The following SGCD variants were observed in gnomAD, a reference collection of about 807,000 sequenced individuals.
SGCD encodes delta-sarcoglycan.
SGCD carries 18 observed loss-of-function variants against 36.6 expected under a neutral mutation model. The ratio of observed to expected loss-of-function variants is 0.49; its 90% confidence interval spans 0.34 to 0.73. The LOEUF is 0.73. Ranked by LOEUF, SGCD falls within the 30% of genes least tolerant of loss-of-function variation. The pLI is 0.01. For missense variants in SGCD, 387 were observed against 346.7 expected, an observed-to-expected ratio of 1.12 and a Z score of -0.92; for synonymous variants, 133 against 130.6, an observed-to-expected ratio of 1.02 and a Z score of -0.12.
chr5:155,879,323 G>A (rs1755831596), intron 1 of SGCD, among the ~76,000 whole-genome samples: 1 of 152,136 alleles, frequency 6.6e-6, no homozygotes, highest in African/African-American at 2.4e-5. Flanking sequence ...ACGCTAGAGT[G>A]ATTTCACTTT....
chr5:156,114,849 A>AT (rs1404318210), intron 1 of SGCD, among the ~76,000 whole-genome samples: 3 of 151,950 alleles, frequency 2.0e-5, no homozygotes, highest in East Asian at 3.8e-4. Flanking sequence ...TCTTACACAT[A>AT]TTTTTTGCGT....
At chr5:155,936,782 G>T (rs770906500) in intron 1 of SGCD, among the ~76,000 whole-genome samples, 1 of 152,152 alleles carries the variant, frequency 6.6e-6, no homozygotes, top group African/African-American at 2.4e-5. Flanking sequence ...CCACTGTTCC[G>T]TACAGCCCAG....
At chr5:156,604,430 T>C (rs1346188418) in intron 6 of SGCD, among the ~76,000 whole-genome samples, 1 of 151,986 alleles carries the variant, frequency 6.6e-6, no homozygotes, top group African/African-American at 2.4e-5. Context: ...TCCTCTTTTT[T>C]ACCTCTGTGG....
chr5:155,744,418 C>T, the SGCD span, among the ~76,000 whole-genome samples: 1 of 151,984 alleles, frequency 6.6e-6, no homozygotes, highest in South Asian at 2.1e-4. Flanking sequence ...TGAGATCATG[C>T]CACTGCACTC....
At chr5:155,936,296 G>A (rs1757198431) in intron 1 of SGCD, among the ~76,000 whole-genome samples, 1 of 152,226 alleles carries the variant, frequency 6.6e-6, no homozygotes, top group Admixed American at 6.5e-5. Context: ...ATGTGGACAA[G>A]TGGAGGGTGA....
At chr5:155,741,981 G>A in the SGCD span, among the ~76,000 whole-genome samples, 1 of 152,092 alleles carries the variant, frequency 6.6e-6, no homozygotes, top group African/African-American at 2.4e-5. Context: ...CACTGTGCCT[G>A]GCCACCAGAA....
intron 1 of SGCD, among the ~76,000 whole-genome samples, chr5:156,057,497 G>T (rs1561699946): frequency 6.8e-6 from 1 of 146,580 alleles, no homozygotes; most frequent in Non-Finnish European, 1.5e-5. Context: ...GAATGAGGAT[G>T]ACTTTATTTG....
At chr5:155,956,945 A>T (rs1193901642) in intron 1 of SGCD, among the ~76,000 whole-genome samples, 1 of 152,040 alleles carries the variant, frequency 6.6e-6, no homozygotes, top group Non-Finnish European at 1.5e-5. Flanking sequence ...AATTCAACCC[A>T]CTTCACTTAC....
rs70984404 is a variant in SGCD at position 156,333,783 on chromosome 5, A to ATTTTTTTTTTTTTTTTTTT, written c.3+4223_3+4241dup. ...GTGCTTTCTTTATGTTAGAAAAGTG[A>ATTTTTTTTTTTTTTTTTTT]TTTTTTTTTTTTTTTTTTTTTTTTT... On this transcript the variant is annotated intron_variant, in intron 2 of 8. Transcript: ENST00000337851. Among the ~76,000 whole-genome samples, 38 of 19,966 alleles carry ATTTTTTTTTTTTTTTTTTT rather than the reference A, an allele frequency of 1.9e-3. 14 individuals carry two copies. Among genetic ancestry groups the ATTTTTTTTTTTTTTTTTTT allele is most frequent in the Non-Finnish European group, 2.6e-3 (27 of 10,476 alleles). The allele number at this position is 19,966 out of a possible 152,430, so 13.1% of individuals were successfully genotyped here. A position where few individuals can be genotyped will look rare whatever the true frequency, so the allele number is the denominator to read the frequency against.
intron 4 of SGCD, among the ~76,000 whole-genome samples, chr5:156,562,862 C>G (rs144801846): frequency 1.1e-3 from 168 of 151,158 alleles, no homozygotes; most frequent in Non-Finnish European, 2.0e-3. Flanking sequence ...TTAAATATAA[C>G]TTAAATTATA....
At chr5:156,441,064 A>G (rs940202071) in intron 3 of SGCD, among the ~76,000 whole-genome samples, 1 of 152,114 alleles carries the variant, frequency 6.6e-6, no homozygotes. Context: ...TAGATCCTTA[A>G]CCTACAGGAT....
chr5:156,709,488 C>G (rs1754889188), intron 7 of SGCD, among the ~76,000 whole-genome samples: 1 of 152,040 alleles, frequency 6.6e-6, no homozygotes, highest in Admixed American at 6.5e-5. Context: ...GGGAGAAAAT[C>G]TGGGAAGAAA....
chr5:156,625,763 C>T (rs67752889), intron 6 of SGCD, among the ~76,000 whole-genome samples: 5,385 of 152,250 alleles, frequency 0.035, 159 homozygotes, highest in Non-Finnish European at 0.053. Flanking sequence ...TAGAGTATAA[C>T]AAGAATAGGA....
At chr5:155,992,809 G>A (rs944778480) in intron 1 of SGCD, among the ~76,000 whole-genome samples, 2 of 152,148 alleles carry the variant, frequency 1.3e-5, no homozygotes, top group Non-Finnish European at 2.9e-5. Flanking sequence ...GGAATCATCT[G>A]TGCATTAATT....
At chr5:156,368,835 C>T (rs1770242374) in intron 3 of SGCD, among the ~76,000 whole-genome samples, 1 of 152,198 alleles carries the variant, frequency 6.6e-6, no homozygotes, top group Non-Finnish European at 1.5e-5. Context: ...AAAACAAGCT[C>T]AGGGCTCCCA....
At chr5:156,136,363 C>T (rs944500304) in intron 3 of SGCD, among the ~76,000 whole-genome samples, 19 of 152,196 alleles carry the variant, frequency 1.2e-4, no homozygotes, top group Admixed American at 9.8e-4. Flanking sequence ...TCTCCTACCT[C>T]GGCCTCCCAA....
At chr5:156,291,639 A>G (rs963267974) in intron 3 of SGCD, among the ~76,000 whole-genome samples, 37 of 151,176 alleles carry the variant, frequency 2.4e-4, no homozygotes, top group South Asian at 1.3e-3. Flanking sequence ...TTTTTTTCCT[A>G]CTCTCTAAAG....
intron 7 of SGCD, among the ~76,000 whole-genome samples, chr5:156,676,650 A>G (rs1753526642): frequency 6.6e-6 from 1 of 152,170 alleles, no homozygotes; most frequent in Non-Finnish European, 1.5e-5. Context: ...CTGGGGATAC[A>G]GCCTAGGAAG....
chr5:155,964,519 G>T (rs537142428), intron 1 of SGCD, among the ~76,000 whole-genome samples: 3 of 151,942 alleles, frequency 2.0e-5, no homozygotes, highest in Non-Finnish European at 4.4e-5. Context: ...TCTATTTTTC[G>T]TAGAGACAGG....
Sources: allele counts gnomAD v4.1 joint callset (sites outside exome capture counted in the v4.1 genomes callset), GRCh38; gene constraint gnomAD v4.1.1; transcripts MANE v1.5; gene names NCBI Gene and HGNC (gene_info 2026-07-23, HGNC 2026-07-21).